ZC3H12B: variants seen among roughly 807,000 people sequenced by gnomAD.
ZC3H12B encodes zinc finger CCCH-type containing 12B, also known as probable ribonuclease ZC3H12B.
A neutral mutation model predicts 43.9 loss-of-function variants in ZC3H12B; 7 were observed. That is an observed-to-expected ratio of 0.16 (90% CI 0.09 to 0.30). The LOEUF (loss-of-function observed/expected upper bound fraction) is 0.30. Ranked by LOEUF, ZC3H12B falls within the 10% of genes least tolerant of loss-of-function variation. The pLI is 1.00. For missense variants in ZC3H12B, 475 were observed against 670.2 expected (o/e 0.71, Z 3.22); for synonymous variants, 222 against 241.7 (o/e 0.92, Z 0.76).
At chrX:65,227,105 A>T in the ZC3H12B span, among the ~76,000 whole-genome samples, 1 of 111,533 alleles carries the variant, frequency 9.0e-6, no homozygotes, top group Non-Finnish European at 1.9e-5. Flanking sequence ...CACCACACCT[A>T]TTCCAAAATT....
the ZC3H12B span, chrX:65,328,201 G>A: frequency 4.3e-6 from 1 of 231,763 alleles, no homozygotes; most frequent in African/African-American, 2.9e-5. Flanking sequence ...CTTGGAACAT[G>A]GCTGCATCAG....
the ZC3H12B span, among the ~76,000 whole-genome samples, chrX:65,159,865 T>G: frequency 5.4e-5 from 6 of 111,678 alleles, no homozygotes; most frequent in African/African-American, 1.6e-4. Flanking sequence ...ATGCTTCCAG[T>G]TTTTGCCCAT....
chrX:65,259,274 T>C, the ZC3H12B span, among the ~76,000 whole-genome samples: 1 of 111,327 alleles, frequency 9.0e-6, no homozygotes, highest in Non-Finnish European at 1.9e-5. Flanking sequence ...CCTACAACCA[T>C]CCAAACTTCT....
chrX:65,076,402 G>T, the ZC3H12B span, among the ~76,000 whole-genome samples: 1 of 110,962 alleles, frequency 9.0e-6, no homozygotes, highest in African/African-American at 3.3e-5. Flanking sequence ...ATCTTCCAAA[G>T]CACTGGGATT....
the ZC3H12B span, among the ~76,000 whole-genome samples, chrX:65,245,868 T>G: frequency 9.1e-6 from 1 of 109,806 alleles, no homozygotes; most frequent in Admixed American, 9.7e-5. Flanking sequence ...GAGACATGTA[T>G]ACATATGTAA....
the ZC3H12B span, among the ~76,000 whole-genome samples, chrX:65,087,781 G>A: frequency 1.8e-5 from 2 of 112,044 alleles, no homozygotes; most frequent in African/African-American, 3.2e-5. Flanking sequence ...TGTTGTTTAT[G>A]TCAGTAGAAA....
the ZC3H12B span, among the ~76,000 whole-genome samples, chrX:65,203,403 C>T: frequency 2.7e-5 from 3 of 111,441 alleles, no homozygotes; most frequent in East Asian, 2.8e-4. Context: ...CTGGTTATTA[C>T]TGCTGATCGT....
At chrX:65,132,843 A>G in the ZC3H12B span, among the ~76,000 whole-genome samples, 2 of 110,985 alleles carry the variant, frequency 1.8e-5, no homozygotes, top group Middle Eastern at 4.6e-3. Context: ...TGTAAGAGTT[A>G]CCCAAAGTGT....
At chrX:65,241,876 A>T in the ZC3H12B span, among the ~76,000 whole-genome samples, 1 of 111,080 alleles carries the variant, frequency 9.0e-6, no homozygotes, top group Non-Finnish European at 1.9e-5. Context: ...TGGATCTCCT[A>T]CCTTGCTGGC....
chrX:65,109,730 G>T, the ZC3H12B span, among the ~76,000 whole-genome samples: 1 of 111,307 alleles, frequency 9.0e-6, no homozygotes, highest in Non-Finnish European at 1.9e-5. Flanking sequence ...GGAATTGCCG[G>T]GTCATGTGCT....
chrX:65,334,446 C>T, the ZC3H12B span, among the ~76,000 whole-genome samples: 1 of 112,118 alleles, frequency 8.9e-6, no homozygotes, highest in African/African-American at 3.2e-5. Context: ...TTACCAAAAA[C>T]ACATTTCACT....
chrX:65,228,702 A>C, the ZC3H12B span, among the ~76,000 whole-genome samples: 1 of 112,304 alleles, frequency 8.9e-6, no homozygotes, highest in African/African-American at 3.2e-5. Flanking sequence ...ATACAAAATC[A>C]ATGTACAAAA....
At chrX:65,485,735 T>A (rs2068116439), upstream of ZC3H12B, among the ~76,000 whole-genome samples, 1 of 112,333 alleles carries the variant, frequency 8.9e-6, no homozygotes, top group African/African-American at 3.2e-5. Flanking sequence ...CTAAATCATA[T>A]TAATCTTCAT....
the ZC3H12B span, among the ~76,000 whole-genome samples, chrX:65,100,578 A>AAC: frequency 1.0e-5 from 1 of 99,952 alleles, no homozygotes; most frequent in East Asian, 3.1e-4. Flanking sequence ...AAAAAAAAAA[A>AAC]AAAAAAAAAA....
chrX:65,365,637 T>G (rs1050483606), upstream of ZC3H12B, among the ~76,000 whole-genome samples: 1 of 111,535 alleles, frequency 9.0e-6, no homozygotes, highest in African/African-American at 3.3e-5. Context: ...TGTTTTGTTT[T>G]TCTTATTAAT....
At chrX:65,212,986 T>G in the ZC3H12B span, among the ~76,000 whole-genome samples, 1 of 108,019 alleles carries the variant, frequency 9.3e-6, no homozygotes, top group African/African-American at 3.3e-5. Flanking sequence ...CATTATTTGT[T>G]TTTGTTTTTC....
At chrX:65,314,624 A>G in the ZC3H12B span, among the ~76,000 whole-genome samples, 1 of 112,208 alleles carries the variant, frequency 8.9e-6, no homozygotes, top group Admixed American at 9.5e-5. Context: ...ATTTGCTTCC[A>G]GCACACCTTC....
At chrX:65,451,672 C>A (rs1306274355) in intron 3 of ZC3H12B, among the ~76,000 whole-genome samples, 1 of 111,678 alleles carries the variant, frequency 9.0e-6, no homozygotes. Context: ...GAAAAAGCAG[C>A]TACCTCTTCT....
chrX:65,399,603 C>A (rs188947006), intron 3 of ZC3H12B, among the ~76,000 whole-genome samples: 1 of 111,830 alleles, frequency 8.9e-6, no homozygotes, highest in Non-Finnish European at 1.9e-5. Context: ...TTAGTACAAC[C>A]ACTATGAAAA....
Sources: allele counts gnomAD v4.1 joint callset (sites outside exome capture counted in the v4.1 genomes callset), GRCh38; gene constraint gnomAD v4.1.1; transcripts MANE v1.5; gene names NCBI Gene and HGNC (gene_info 2026-07-23, HGNC 2026-07-21).